The following PLS1 variants were observed in gnomAD, a reference collection of about 807,000 sequenced individuals.
PLS1 encodes the protein plastin 1.
Under a neutral mutation model 73.7 loss-of-function variants are expected in PLS1, and 32 were observed. The ratio of observed to expected loss-of-function variants is 0.43; its 90% CI spans 0.33 to 0.58. The LOEUF (loss-of-function observed/expected upper bound fraction) is 0.58. PLS1 is among the 20% of genes least tolerant of loss of function. The pLI, the probability that PLS1 is intolerant of heterozygous loss-of-function variation, is 0.04. For synonymous variants in PLS1, 217 were observed against 261.3 expected, an observed-to-expected ratio of 0.83 and a Z score of 1.63; for missense variants, 633 against 740.5, an observed-to-expected ratio of 0.85 and a Z score of 1.68.
At chr3:142,666,719 C>T (rs2037486937) in intron 2 of PLS1, among the ~76,000 whole-genome samples, 2 of 152,082 alleles carry the variant, frequency 1.3e-5, no homozygotes, top group African/African-American at 4.8e-5. Context: ...GAGAAACTAC[C>T]ATACTGTTTT....
chr3:142,635,700 A>T (rs1478207354), intron 1 of PLS1, among the ~76,000 whole-genome samples: 2 of 152,194 alleles, frequency 1.3e-5, no homozygotes, highest in African/African-American at 2.4e-5. Context: ...GGTTTACTGG[A>T]ATTCCAGGCT....
chr3:142,668,902 C>A (rs762375024), intron 2 of PLS1, among the ~76,000 whole-genome samples: 18 of 151,810 alleles, frequency 1.2e-4, no homozygotes, highest in African/African-American at 3.9e-4. Flanking sequence ...GCGCCTGGCC[C>A]CCCCCATGCT....
chr3:142,683,349 G>A (rs183390889), intron 6 of PLS1, among the ~76,000 whole-genome samples: 2 of 152,224 alleles, frequency 1.3e-5, no homozygotes, highest in East Asian at 1.9e-4. Flanking sequence ...CTAAAAACAC[G>A]AAAAACTGGC....
rs1553777969 is a variant in PLS1 at position 142,599,320 on chromosome 3, ATTCTTTTTTT to A, written c.-37+2814_-37+2823del. ...AATTGTATAGAGGAGGGACTCAGAT[ATTCTTTTTTT>A]TTTTTTTTTTTTTTTTTGAGATGGA... is the stretch of plus-strand genomic sequence containing the variant. On this transcript the variant is annotated intron_variant, in intron 1 of 15. Coordinates refer to ENST00000457734, the MANE Select transcript of PLS1 (RefSeq NM_001145319.2). Among the ~76,000 whole-genome samples, 41 of 137,290 alleles carry A rather than the reference ATTCTTTTTTT, an allele frequency of 3.0e-4. 4 individuals carry two copies. Among genetic ancestry groups the A allele is most frequent in the Middle Eastern group, 3.7e-3 (1 of 272 alleles). The allele number at this position is 137,290 out of a possible 152,430, so 90.1% of individuals were successfully genotyped here.
chr3:142,614,686 G>A (rs1300383068), intron 1 of PLS1, among the ~76,000 whole-genome samples: 1 of 152,212 alleles, frequency 6.6e-6, no homozygotes, highest in Non-Finnish European at 1.5e-5. Flanking sequence ...GCAGCCAGGA[G>A]AGGCTCTTAG....
intron 8 of PLS1, among the ~76,000 whole-genome samples, 192 bp from the exon 9 acceptor site, chr3:142,686,092 A>G (rs2037959031): frequency 6.6e-6 from 1 of 152,200 alleles, no homozygotes; most frequent in Non-Finnish European, 1.5e-5. Flanking sequence ...GAGGTGTGAA[A>G]CAGGATTGCT....
At chr3:142,699,896 T>A (rs532566828) in intron 12 of PLS1, among the ~76,000 whole-genome samples, 20 of 152,340 alleles carry the variant, frequency 1.3e-4, no homozygotes, top group African/African-American at 4.6e-4. Flanking sequence ...TTGGACTGCC[T>A]GCATTTTTAA....
intron 2 of PLS1, among the ~76,000 whole-genome samples, chr3:142,666,966 A>C (rs774880419): frequency 6.6e-6 from 1 of 152,142 alleles, no homozygotes; most frequent in Non-Finnish European, 1.5e-5. Context: ...CCCTTTGCCT[A>C]TTTTTGAATC....
At chr3:142,605,641 GC>G (rs1021102093) in intron 1 of PLS1, among the ~76,000 whole-genome samples, 2 of 152,158 alleles carry the variant, frequency 1.3e-5, no homozygotes, top group Non-Finnish European at 2.9e-5. Context: ...TAGTGCTCTT[GC>G]AGTCAATTCA....
chr3:142,648,475 G>T (rs1289028914), intron 1 of PLS1, among the ~76,000 whole-genome samples: 1 of 152,128 alleles, frequency 6.6e-6, no homozygotes, highest in African/African-American at 2.4e-5. Context: ...GTTGCGGGAG[G>T]CATCAGTTTT....
chr3:142,673,285 G>A (rs954247670), intron 4 of PLS1, among the ~76,000 whole-genome samples: 5 of 152,094 alleles, frequency 3.3e-5, no homozygotes, highest in African/African-American at 1.2e-4. Flanking sequence ...GGGTTCGAGC[G>A]ATCTGCCTGC....
intron 6 of PLS1, among the ~76,000 whole-genome samples, chr3:142,683,512 TAAATAA>T (rs911563821): frequency 6.6e-6 from 1 of 151,738 alleles, no homozygotes; most frequent in Non-Finnish European, 1.5e-5. Context: ...TCAAAAAAAA[TAAATAA>T]AAAAGAGGAT....
intron 1 of PLS1, among the ~76,000 whole-genome samples, chr3:142,625,766 G>C (rs368388534): frequency 7.2e-5 from 11 of 152,196 alleles, no homozygotes; most frequent in African/African-American, 2.6e-4. Context: ...TTGAGCCCAG[G>C]AGTTCAAAAC....
intron 1 of PLS1, among the ~76,000 whole-genome samples, chr3:142,652,052 G>A (rs1414454126): frequency 6.6e-6 from 1 of 152,168 alleles, no homozygotes; most frequent in East Asian, 1.9e-4. Flanking sequence ...AAAGGTTGGG[G>A]AGTCAAATGG....
chr3:142,677,633 GACTCC>G (rs907821010), intron 5 of PLS1, among the ~76,000 whole-genome samples: 5 of 151,740 alleles, frequency 3.3e-5, no homozygotes, highest in Non-Finnish European at 7.4e-5. Context: ...GACAGAGGTA[GACTCC>G]CTCTTAAAAA....
At chr3:142,709,747 G>T (rs1933027162) in intron 14 of PLS1, among the ~76,000 whole-genome samples, 1 of 151,432 alleles carries the variant, frequency 6.6e-6, no homozygotes, top group Admixed American at 6.6e-5. Flanking sequence ...AACCTGGGAG[G>T]CAGAGCTTGC....
intron 2 of PLS1, among the ~76,000 whole-genome samples, chr3:142,667,160 T>C (rs2037496299): frequency 1.3e-5 from 2 of 152,236 alleles, no homozygotes; most frequent in African/African-American, 4.8e-5. Context: ...CTCACGCCTG[T>C]AATCCCAGCC....
chr3:142,598,576 G>A lies in PLS1; in HGVS notation c.-37+2067G>A, dbSNP rs567691398. ...CTCAAAGTGGAGAAAAGAGGGCACA[G>A]AATTAAGAAATGTAAAGGAAGAAGC... On this transcript the variant is annotated intron_variant, in intron 1 of 15. Coordinates refer to ENST00000457734, the MANE Select transcript of PLS1 (RefSeq NM_001145319.2). Among the ~76,000 whole-genome samples, 24 of 152,290 alleles carry A rather than the reference G, an allele frequency of 1.6e-4. No homozygotes were observed. In the South Asian group the frequency reaches 2.5e-3, roughly 16 times the overall value.
chr3:142,607,951 A>G (rs953177946), intron 1 of PLS1, among the ~76,000 whole-genome samples: 1 of 152,152 alleles, frequency 6.6e-6, no homozygotes, highest in Admixed American at 6.5e-5. Context: ...CAGAATTGGA[A>G]ATCAGCAGAA....
Sources: allele counts gnomAD v4.1 joint callset (sites outside exome capture counted in the v4.1 genomes callset), GRCh38; gene constraint gnomAD v4.1.1; transcripts MANE v1.5; gene names NCBI Gene and HGNC (gene_info 2026-07-23, HGNC 2026-07-21).